The following NRDE2 variants were observed in gnomAD, a reference collection of about 807,000 sequenced individuals.
The protein encoded by NRDE2 is NRDE-2, necessary for RNA interference, domain containing.
Under a neutral mutation model 124.2 loss-of-function variants are expected in NRDE2, and 76 were observed. The ratio of observed to expected loss-of-function variants is 0.61; its 90% confidence interval spans 0.51 to 0.74. The LOEUF is 0.74. Among genes scored for constraint, NRDE2 ranks in the 30% least tolerant of loss-of-function variants. NRDE2 has a pLI of 0.00. For synonymous variants in NRDE2, 489 were observed against 528.1 expected (o/e 0.93, Z 1.01); for missense variants, 1,314 against 1,417.3 (o/e 0.93, Z 1.17).
chr14:90,288,880 A>C lies in NRDE2; in HGVS notation c.2495T>G (p.Val832Gly). 6.2e-7 allele frequency: 1 copy of C among 1,614,110 alleles called. No homozygotes were observed. The highest frequency in any genetic ancestry group is 8.5e-7 in the Non-Finnish European group (1 of 1,180,026). Reference protein sequence around the residue: ...ELSLLYAELEVELSPEVRRAA... With the variant: ...ELSLLYAELEGELSPEVRRAA... ...CCTTCTCACTTCTGGCGACAGCTCC[A>C]CCTCCAGCTCAGCATAGAGCAGACT... The change falls in exon 11 of 14, where the codon GTG becomes GGG. Residue 832 changes from valine (V) to glycine (G), a missense_variant. Val to Gly is a moderately radical substitution (Grantham distance 109, BLOSUM62 -3). Coordinates refer to ENST00000354366, the MANE Select transcript of NRDE2 (RefSeq NM_017970.4).
At chr14:90,290,952 A>G (rs1371799543) in intron 9 of NRDE2, among the ~76,000 whole-genome samples, 1 of 152,242 alleles carries the variant, frequency 6.6e-6, no homozygotes, top group South Asian at 2.1e-4. Flanking sequence ...GAAAGCATAC[A>G]TAATTGCTTT....
chr14:90,283,677 T>C (rs1042150746), intron 12 of NRDE2, among the ~76,000 whole-genome samples: 2 of 151,898 alleles, frequency 1.3e-5, no homozygotes, highest in African/African-American at 4.8e-5. Flanking sequence ...GAAGAATAAA[T>C]GTTAAGAGAA....
chr14:90,316,753 T>C lies in NRDE2; in HGVS notation c.232A>G (p.Thr78Ala), dbSNP rs777744141. The C allele has an allele frequency of 1.2e-6, 2 of 1,613,434 alleles. No individual in the cohort carries two copies. Among genetic ancestry groups the C allele is most frequent in the South Asian group, 1.1e-5 (1 of 90,772 alleles). The change falls in exon 3 of 14, where the codon ACA (threonine) becomes GCA (alanine). Residue 78 changes from threonine (T) to alanine (A), a missense_variant. Transcript: ENST00000354366. Reference sequence around the variant, plus strand: ...TTCTCTTTCTTCTTTTTTCTACTTGTTTGTTTGAGCTTTTTGTTAGTGTCA... The same window carrying C: ...TTCTCTTTCTTCTTTTTTCTACTTGCTTGTTTGAGCTTTTTGTTAGTGTCA... ...ESDTNKKLKQTSRKKKKEKKK... is the reference protein window; with the variant it reads ...ESDTNKKLKQASRKKKKEKKK...
chr14:90,286,380 G>C lies in NRDE2; in HGVS notation c.3271C>G (p.Leu1091Val), dbSNP rs1324142305. ...AGAAAGTTCAAATACATCCTCCACA[G>C]CAAGGGGCACTGGCTGCCACTGTCG... is the stretch of plus-strand genomic sequence containing the variant. Reference protein sequence around the residue: ...RSDSGSQCPLLWRMYLNFLVS... With the variant: ...RSDSGSQCPLVWRMYLNFLVS... Residue 1091 changes from leucine (L) to valine (V), a missense_variant, in exon 12 of 14, where the codon CTG becomes GTG. Physicochemically the swap from Leu to Val is conservative, Grantham distance 32 (BLOSUM62 1). Transcript: ENST00000354366. 6.2e-6 allele frequency: 10 copies of C among 1,613,902 alleles called. No individual in the cohort carries two copies. Among genetic ancestry groups the C allele is most frequent in the Non-Finnish European group, 8.5e-6 (10 of 1,179,952 alleles).
chr14:90,316,936 C>T, intron 2 of NRDE2, 125 bp from the exon 3 acceptor site: 3 of 688,626 alleles, frequency 4.4e-6, no homozygotes, highest in Non-Finnish European at 4.8e-6. Context: ...TTACTATTTG[C>T]CCATATATTA....
intron 12 of NRDE2, among the ~76,000 whole-genome samples, chr14:90,284,910 T>C (rs1566683081): frequency 6.6e-6 from 1 of 152,178 alleles, no homozygotes; most frequent in Non-Finnish European, 1.5e-5. Context: ...TACATTCACA[T>C]TCACAAAATT....
intron 7 of NRDE2, among the ~76,000 whole-genome samples, chr14:90,299,044 A>AT (rs973838759): frequency 2.7e-5 from 4 of 148,868 alleles, no homozygotes; most frequent in African/African-American, 9.8e-5. Context: ...AAAGGTCTGC[A>AT]TTTTTTATTT....
chr14:90,309,153 G>T (rs949345347), intron 4 of NRDE2, among the ~76,000 whole-genome samples: 2 of 151,914 alleles, frequency 1.3e-5, no homozygotes, highest in Non-Finnish European at 2.9e-5. Context: ...TGGGTCGCAC[G>T]CATTGGCCCA....
In NRDE2 at chr14:90,278,202, C is replaced by T. The variant is rs45471798; in HGVS notation, c.*134G>A. On this transcript the variant is annotated 3_prime_UTR_variant, in exon 14 of 14. Transcript: ENST00000354366. ...GTGCAAGATGTGAGAGGCTGGCAGC[C>T]CACATTATTACTATCGAGAAAGAAC... The T allele has an allele frequency of 0.18, 190,078 of 1,030,498 alleles. 19,026 individuals are homozygous for T. Among genetic ancestry groups the T allele is most frequent in the South Asian group, 0.23 (14,583 of 64,712 alleles). 63.8% of individuals were successfully genotyped at this position (1,030,498 alleles called of 1,614,324 possible). A position where few individuals can be genotyped will look rare whatever the true frequency, so the allele number is the denominator to read the frequency against.
At chr14:90,326,396 A>G (rs1344328435) in intron 1 of NRDE2, among the ~76,000 whole-genome samples, 1 of 151,154 alleles carries the variant, frequency 6.6e-6, no homozygotes, top group Non-Finnish European at 1.5e-5. Context: ...CGGGAGGCTG[A>G]GGCAGGAGAA....
rs10136742 is a variant in NRDE2 at position 90,320,576 on chromosome 14, G to C, written c.65-2463C>G. 4.2e-3 allele frequency among the ~76,000 whole-genome samples: 643 copies of C among 152,294 alleles called. 4 individuals are homozygous for C. Among genetic ancestry groups the C allele is most frequent in the African/African-American group, 0.014 (600 of 41,552 alleles). On this transcript the variant is annotated intron_variant, in intron 1 of 13. Transcript: ENST00000354366. Reference sequence around the variant, plus strand: ...CTTAGTATGGAGGAGATACCATAATGTATGCTTCCTGACAACAGGTACTGT... The same window carrying C: ...CTTAGTATGGAGGAGATACCATAATCTATGCTTCCTGACAACAGGTACTGT...
intron 12 of NRDE2, 54 bp from the exon 13 acceptor site, chr14:90,279,187 G>C: frequency 7.1e-7 from 1 of 1,407,170 alleles, no homozygotes; most frequent in Non-Finnish European, 1.0e-6. Context: ...GAGAGGCTAA[G>C]GCTACACAAA....
rs117045178 is a variant in NRDE2 at position 90,311,832 on chromosome 14, G to A, written c.557+562C>T. Among the ~76,000 whole-genome samples, 1,436 of 152,210 alleles carry A rather than the reference G, an allele frequency of 9.4e-3. 9 individuals are homozygous for A. The highest frequency in any genetic ancestry group is 0.014 in the Non-Finnish European group (970 of 68,008). On this transcript the variant is annotated intron_variant, in intron 4 of 13. Coordinates refer to ENST00000354366, the MANE Select transcript of NRDE2 (RefSeq NM_017970.4). ...TAAGAAAGTTTACAAATTTGGGTTGGACAAGTTTGGTCTAAAGGGTTTAGT... is the reference window on the plus strand; with the variant it reads ...TAAGAAAGTTTACAAATTTGGGTTGAACAAGTTTGGTCTAAAGGGTTTAGT...
intron 10 of NRDE2, among the ~76,000 whole-genome samples, chr14:90,289,992 C>A (rs961152951): frequency 6.6e-6 from 1 of 152,198 alleles, no homozygotes; most frequent in Non-Finnish European, 1.5e-5. Context: ...CAAGATAATA[C>A]AATAAACAGC....
At chr14:90,283,719 T>G (rs1892019332) in intron 12 of NRDE2, among the ~76,000 whole-genome samples, 1 of 151,646 alleles carries the variant, frequency 6.6e-6, no homozygotes, top group Non-Finnish European at 1.5e-5. Context: ...TTTTGTTTTT[T>G]TTTTTTTTGA....
intron 5 of NRDE2, among the ~76,000 whole-genome samples, chr14:90,303,703 CT>C (rs1185626120): frequency 6.6e-6 from 1 of 152,196 alleles, no homozygotes; most frequent in African/African-American, 2.4e-5. Context: ...CCTCACTCCA[CT>C]CCCAAGTTAT....
intron 10 of NRDE2, 23 bp from the exon 11 acceptor site, chr14:90,289,168 G>C: frequency 6.4e-7 from 1 of 1,566,934 alleles, no homozygotes; most frequent in Non-Finnish European, 8.7e-7. Flanking sequence ...AGAGAAGAAT[G>C]ACTGCAGGTG....
At chr14:90,303,217 G>A (rs1449232824) in intron 5 of NRDE2, 92 bp from the exon 6 acceptor site, 1 of 1,235,460 alleles carries the variant, frequency 8.1e-7, no homozygotes, top group Non-Finnish European at 1.1e-6. Context: ...CCACCCCCTA[G>A]GGACTTTCTT....
chr14:90,290,729 A>G, intron 9 of NRDE2, 122 bp from the exon 10 acceptor site: 1 of 1,201,580 alleles, frequency 8.3e-7, no homozygotes, highest in Non-Finnish European at 1.1e-6. Flanking sequence ...AATTTTAAAC[A>G]GACAGGAGCT....
Sources: gnomAD v4.1 joint callset for allele counts (sites outside exome capture counted in the v4.1 genomes callset) on GRCh38, gnomAD v4.1.1 for gene constraint, MANE v1.5 for transcripts, NCBI Gene and HGNC (gene_info 2026-07-23, HGNC 2026-07-21) for gene names.